INF2: variants seen among roughly 807,000 people sequenced by gnomAD.
INF2 encodes inverted formin 2, also known as inverted formin-2.
Under a neutral mutation model 123.5 loss-of-function variants are expected in INF2, and 43 were observed. The observed-to-expected ratio is 0.35, with a 90% confidence interval of 0.27 to 0.45. The LOEUF (loss-of-function observed/expected upper bound fraction) is 0.45, where lower values mean the gene tolerates loss of function less well. Among genes scored for constraint, INF2 ranks in the 20% least tolerant of loss-of-function variants. The probability of loss-of-function intolerance (pLI) is 1.00; values close to 1 mark genes in which losing one functional copy is unlikely to be tolerated. For missense variants in INF2, 1,453 were observed against 1,682.7 expected, an observed-to-expected ratio of 0.86 and a Z score of 2.39; for synonymous variants, 851 against 745.0, an observed-to-expected ratio of 1.14 and a Z score of -2.32.
chr14:104,707,209 C>A, intron 7 of INF2, 44 bp from the exon 8 acceptor site: 1 of 1,570,892 alleles, frequency 6.4e-7, no homozygotes, highest in South Asian at 1.2e-5. Context: ...ATCCCTCCCT[C>A]TCCGGCTCCC....
Position 104,707,042 on chromosome 14 carries a change from G to A in INF2, c.976G>A (p.Ala326Thr). The change falls in exon 7 of 23, where the codon GCC becomes ACC. Residue 326 changes from alanine (A) to threonine (T), a missense_variant. Ala to Thr is a moderately conservative substitution (Grantham distance 58). Transcript: ENST00000392634. ...CCTCGTGAACCGGGCCGTGCTCCTG[G>A]CCAGCGATGGTGAGGGGGCGGGGCA... is the stretch of plus-strand genomic sequence containing the variant. ...ESLVNRAVLL[A>T]SDAQECTLEE... The A allele has an allele frequency of 6.3e-7, 1 of 1,580,012 alleles. No individual in the cohort carries two copies. The highest frequency in any genetic ancestry group is 1.1e-5 in the South Asian group (1 of 87,730).
rs1889498218 is a variant in INF2 at position 104,701,578 on chromosome 14, G to C, written c.213G>C (p.Gln71His). ...GCTGGATGGTGCAGTTCCTGGAGCA[G>C]AGCGGCCTGGACCTGCTGCTGGAGG... Reference protein sequence around the residue: ...DGGWMVQFLEQSGLDLLLEAL... With the variant: ...DGGWMVQFLEHSGLDLLLEAL... Residue 71 changes from glutamine to histidine, a missense_variant, in exon 2 of 23, where the codon CAG becomes CAC. Transcript: ENST00000392634. 1.9e-6 allele frequency: 3 copies of C among 1,608,134 alleles called. No homozygotes were observed. Among genetic ancestry groups the C allele is most frequent in the Non-Finnish European group, 1.7e-6 (2 of 1,179,250 alleles).
chr14:104,715,555 G>A (rs985581297), intron 22 of INF2, among the ~76,000 whole-genome samples: 2 of 152,232 alleles, frequency 1.3e-5, no homozygotes, highest in South Asian at 4.1e-4. Context: ...GGTGCCTCCT[G>A]CAGGCAGGAC....
intron 1 of INF2, among the ~76,000 whole-genome samples, chr14:104,681,733 C>T (rs947060101): frequency 1.3e-5 from 2 of 152,208 alleles, no homozygotes; most frequent in African/African-American, 4.8e-5. Context: ...GCCGGGACAG[C>T]CTGGGGTTCA....
At chr14:104,689,596 C>A, upstream of INF2, 4 of 660,790 alleles carry the variant, frequency 6.1e-6, no homozygotes, top group Non-Finnish European at 7.5e-6. Flanking sequence ...TTCCTCCCGC[C>A]CGCCCCGCCC....
rs113392857 is a variant in INF2, at chr14:104,721,645, T to C, written c.*2852T>C. 3 of 152,922 alleles carry C rather than the reference T, an allele frequency of 2.0e-5. No homozygotes were observed. The highest frequency in any genetic ancestry group is 7.2e-5 in the African/African-American group (3 of 41,470). 9.5% of individuals were successfully genotyped at this position (152,922 alleles called of 1,614,324 possible). A position where few individuals can be genotyped will look rare whatever the true frequency, so the allele number is the denominator to read the frequency against. On this transcript the variant is annotated 3_prime_UTR_variant, in exon 23 of 23. Transcript: ENST00000392634. ...TCCCCCTCCCCACCCTCCACAGAACTGCCAGTAAAACTGGACTATGGAGTA... is the reference window on the plus strand; with the variant it reads ...TCCCCCTCCCCACCCTCCACAGAACCGCCAGTAAAACTGGACTATGGAGTA...
chr14:104,692,691 G>A lies in INF2; in HGVS notation c.-10+2952G>A, dbSNP rs376411153. Among the ~76,000 whole-genome samples the A allele has an allele frequency of 5.1e-3, 782 of 152,280 alleles. 5 individuals carry two copies. Among genetic ancestry groups the A allele is most frequent in the Non-Finnish European group, 9.0e-3 (612 of 68,006 alleles). ...CTGCCCAAGGGCCAGCCTGGACCCC[G>A]GAGCCCTCCCAGCCAGTCGGCCTGG... On this transcript the variant is annotated intron_variant, in intron 1 of 22. Coordinates refer to ENST00000392634, the MANE Select transcript of INF2 (RefSeq NM_022489.4).
chr14:104,682,279 C>T (rs909442110), intron 1 of INF2, among the ~76,000 whole-genome samples: 6 of 152,300 alleles, frequency 3.9e-5, no homozygotes, highest in Admixed American at 3.9e-4. Flanking sequence ...CAGAGCCTTG[C>T]CCAAGGGGCT....
In INF2 at chr14:104,713,485, C is replaced by T. The variant is rs1223668856; in HGVS notation, c.2919C>T (p.Ile973=). The T allele has an allele frequency of 5.6e-6, 9 of 1,611,518 alleles. No individual in the cohort carries two copies. Among genetic ancestry groups the T allele is most frequent in the East Asian group, 4.5e-5 (2 of 44,846 alleles). Residue 973 remains isoleucine, a synonymous_variant, in exon 20 of 23, where the codon ATC becomes ATT. Coordinates refer to ENST00000392634, the MANE Select transcript of INF2 (RefSeq NM_022489.4). The part of the protein sequence containing the change: ...GPGKQEEVCV[I]DALLADIRKG... The stretch of plus-strand genomic sequence containing the variant: ...GGAAGCAGGAGGAGGTGTGTGTCAT[C>T]GATGCCCTGCTGGCTGACATCAGGA...
intron 21 of INF2, 47 bp downstream of exon 21, chr14:104,714,903 G>A: frequency 1.4e-6 from 2 of 1,468,974 alleles, no homozygotes; most frequent in East Asian, 2.5e-5. Flanking sequence ...CAGGGCGCTG[G>A]CACCCAGCCG....
chr14:104,715,718 T>C (rs953174927), intron 22 of INF2: 2 of 521,346 alleles, frequency 3.8e-6, no homozygotes, highest in Non-Finnish European at 7.4e-6. Context: ...TCTGGTGTCC[T>C]GGCGCTAACT....
rs374769850 is a variant in INF2 at position 104,707,450 on chromosome 14, G to A, written c.1183G>A (p.Glu395Lys). 1.9e-5 allele frequency: 29 copies of A among 1,563,792 alleles called. No homozygotes were observed. Among genetic ancestry groups the A allele is most frequent in the South Asian group, 1.3e-4 (11 of 85,116 alleles). Residue 395 changes from glutamate (E) to lysine (K), a missense_variant, in exon 8 of 23, where the codon GAG (glutamate) becomes AAG (lysine). Transcript: ENST00000392634. The part of the protein sequence containing the change: ...GQQPAAAAAC[E>K]PVDHAQSESI... The stretch of plus-strand genomic sequence containing the variant: ...GCAGCCAGCAGCAGCTGCTGCCTGC[G>A]AGCCCGTGGACCACGCCCAGAGTGA...
At chr14:104,689,163 C>T (rs990708510), upstream of INF2, 1 of 971,690 alleles carries the variant, frequency 1.0e-6, no homozygotes. Context: ...CTGGGAAGAG[C>T]CATCTCTGCT....
At chr14:104,687,460 CCACACA>C (rs5811148), upstream of INF2, among the ~76,000 whole-genome samples, 1 of 149,400 alleles carries the variant, frequency 6.7e-6, no homozygotes, top group Non-Finnish European at 1.5e-5. This position sits in a 1 kb window ranked among gnomAD's most constrained non-coding sequence, Gnocchi z 5.6. Context: ...GGCCTCCACT[CCACACA>C]CACACACACA....
intron 16 of INF2, among the ~76,000 whole-genome samples, chr14:104,711,971 C>T (rs1027264310): frequency 6.6e-6 from 1 of 152,358 alleles, no homozygotes; most frequent in South Asian, 2.1e-4. Context: ...AATACAGCCC[C>T]TTCACAAGGT....
At chr14:104,717,300 C>G (rs1471850538) in intron 22 of INF2, among the ~76,000 whole-genome samples, 2 of 141,806 alleles carry the variant, frequency 1.4e-5, no homozygotes, top group African/African-American at 2.8e-5. Context: ...CCCAGTCCCC[C>G]CCCCGGGCAG....
At chr14:104,689,292 G>T (rs1293058377), upstream of INF2, 1 of 981,986 alleles carries the variant, frequency 1.0e-6, no homozygotes, top group East Asian at 1.1e-4. Context: ...TAGGGGTGTA[G>T]GTGGACGGGA....
intron 1 of INF2, among the ~76,000 whole-genome samples, chr14:104,693,731 G>A (rs932239534): frequency 2.6e-5 from 4 of 152,216 alleles, no homozygotes; most frequent in African/African-American, 4.8e-5. Flanking sequence ...GGGGGTGGAC[G>A]TGGCCAGCTG....
intron 1 of INF2, 49 bp from the exon 2 acceptor site, chr14:104,701,308 A>T: frequency 6.5e-7 from 1 of 1,528,758 alleles, no homozygotes; most frequent in Non-Finnish European, 8.8e-7. Flanking sequence ...GGCCAGGAGG[A>T]CAGCCCCCAT....
Sources: allele counts gnomAD v4.1 joint callset (sites outside exome capture counted in the v4.1 genomes callset), GRCh38; gene constraint gnomAD v4.1.1; non-coding constraint Gnocchi (gnomAD v3.1); transcripts MANE v1.5; gene names NCBI Gene and HGNC (gene_info 2026-07-23, HGNC 2026-07-21).